ZMAT4: variants seen among roughly 807,000 people sequenced by gnomAD.
ZMAT4 encodes the protein zinc finger matrin-type 4.
In ZMAT4, 17 loss-of-function variants were observed where a neutral mutation model predicts 28.7. The ratio of observed to expected loss-of-function variants is 0.59; its 90% confidence interval spans 0.41 to 0.89. The LOEUF is 0.89. Ranked by LOEUF, ZMAT4 falls within the 40% of genes least tolerant of loss-of-function variation. ZMAT4 has a pLI of 0.00. For synonymous variants in ZMAT4, 117 were observed against 109.2 expected, an observed-to-expected ratio of 1.07 and a Z score of -0.44; for missense variants, 240 against 283.8, an observed-to-expected ratio of 0.85 and a Z score of 1.11.
chr8:40,896,973 C>CTT (rs34824153), intron 1 of ZMAT4, among the ~76,000 whole-genome samples: 298 of 139,250 alleles, frequency 2.1e-3, no homozygotes, highest in African/African-American at 4.8e-3. Flanking sequence ...TTGGCTTTTT[C>CTT]TTTTTTTTTT....
At chr8:40,698,336 G>T (rs1351029494) in intron 3 of ZMAT4, among the ~76,000 whole-genome samples, 1 of 152,120 alleles carries the variant, frequency 6.6e-6, no homozygotes, top group Non-Finnish European at 1.5e-5. Flanking sequence ...ACCTGCTATT[G>T]TGCTCGCAGG....
At chr8:40,636,535 C>G (rs1806798547) in intron 5 of ZMAT4, among the ~76,000 whole-genome samples, 1 of 152,176 alleles carries the variant, frequency 6.6e-6, no homozygotes, top group African/African-American at 2.4e-5. Flanking sequence ...TTCCATTATT[C>G]TTTCAGGAAA....
intron 3 of ZMAT4, among the ~76,000 whole-genome samples, chr8:40,729,597 CTT>C (rs71546305): frequency 7.0e-6 from 1 of 142,394 alleles, no homozygotes. Context: ...TTCTTTCTTT[CTT>C]TTTTTTTTTT....
chr8:40,547,511 T>C (rs1031559768), intron 6 of ZMAT4, among the ~76,000 whole-genome samples: 8 of 152,198 alleles, frequency 5.3e-5, no homozygotes, highest in Admixed American at 2.0e-4. Context: ...AATTTATGAA[T>C]CATGTGACTT....
chr8:40,786,595 G>T (rs1046280306), intron 2 of ZMAT4: 3 of 904,172 alleles, frequency 3.3e-6, no homozygotes, highest in African/African-American at 1.7e-5. Context: ...CAGCATGCAC[G>T]TTCTGGTTAT....
At chr8:40,579,296 C>T (rs1196870301) in intron 6 of ZMAT4, among the ~76,000 whole-genome samples, 4 of 152,058 alleles carry the variant, frequency 2.6e-5, no homozygotes, top group African/African-American at 7.2e-5. Flanking sequence ...AAAAAGTTAT[C>T]TTTTATTGTT....
chr8:40,744,167 A>C (rs926114467), intron 3 of ZMAT4, among the ~76,000 whole-genome samples: 1 of 152,054 alleles, frequency 6.6e-6, no homozygotes, highest in African/African-American at 2.4e-5. Flanking sequence ...GGATTCTCCA[A>C]CCCTACCTGT....
At chr8:40,579,976 G>C (rs1049802351) in intron 6 of ZMAT4, among the ~76,000 whole-genome samples, 1 of 151,420 alleles carries the variant, frequency 6.6e-6, no homozygotes, top group African/African-American at 2.4e-5. Context: ...TCCTCAGCCT[G>C]GCAGGGGGAA....
chr8:40,582,783 G>A (rs1804534291), intron 5 of ZMAT4, among the ~76,000 whole-genome samples: 1 of 152,158 alleles, frequency 6.6e-6, no homozygotes, highest in African/African-American at 2.4e-5. Flanking sequence ...GCATGTATGT[G>A]AGAGTGCCCA....
intron 1 of ZMAT4, among the ~76,000 whole-genome samples, chr8:40,857,399 G>A (rs560368307): frequency 1.3e-3 from 196 of 151,792 alleles, no homozygotes; most frequent in African/African-American, 4.5e-3. Flanking sequence ...AGAAAAGATG[G>A]GTCTAAGAGA....
intron 3 of ZMAT4, among the ~76,000 whole-genome samples, chr8:40,724,329 G>A (rs1811234274): frequency 6.6e-6 from 1 of 152,192 alleles, no homozygotes; most frequent in South Asian, 2.1e-4. Flanking sequence ...CACATAGGAA[G>A]TCCAGATGTG....
At chr8:40,781,643 T>C (rs1813830259) in intron 2 of ZMAT4, among the ~76,000 whole-genome samples, 1 of 147,102 alleles carries the variant, frequency 6.8e-6, no homozygotes, top group Non-Finnish European at 1.5e-5. Flanking sequence ...GCGCCTGTAG[T>C]CCCAGCTACT....
intron 3 of ZMAT4, among the ~76,000 whole-genome samples, chr8:40,755,435 T>G (rs780535341): frequency 4.6e-5 from 7 of 152,174 alleles, no homozygotes; most frequent in Non-Finnish European, 7.4e-5. Context: ...TTTCTATTTA[T>G]GAATATTAAT....
At chr8:40,762,832 C>T (rs559530438) in intron 3 of ZMAT4, among the ~76,000 whole-genome samples, 1 of 152,250 alleles carries the variant, frequency 6.6e-6, no homozygotes, top group Admixed American at 6.5e-5. Context: ...ACCAGAACTG[C>T]CAGAGAATAA....
At chr8:40,887,170 CA>C (rs35466634) in intron 1 of ZMAT4, among the ~76,000 whole-genome samples, 1,974 of 61,960 alleles carry the variant, frequency 0.032, 30 homozygotes, top group Admixed American at 0.12. Flanking sequence ...GACTCCGTCT[CA>C]AAAAAAAAAA....
At chr8:40,541,141 G>A (rs1026530277) in intron 6 of ZMAT4, among the ~76,000 whole-genome samples, 2 of 152,090 alleles carry the variant, frequency 1.3e-5, no homozygotes, top group South Asian at 4.1e-4. Context: ...TACATATGGA[G>A]CAACAAATAA....
intron 5 of ZMAT4, among the ~76,000 whole-genome samples, chr8:40,611,582 C>T (rs1805797993): frequency 6.6e-6 from 1 of 152,164 alleles, no homozygotes; most frequent in Non-Finnish European, 1.5e-5. Context: ...CCTGGTGATC[C>T]ACCCACCTCA....
At chr8:40,624,029 G>A (rs1806289522) in intron 5 of ZMAT4, among the ~76,000 whole-genome samples, 1 of 152,130 alleles carries the variant, frequency 6.6e-6, no homozygotes, top group African/African-American at 2.4e-5. Flanking sequence ...TCTTGCCTGT[G>A]CTTCTAGTAT....
At chr8:40,647,786 T>C (rs1347288423) in intron 5 of ZMAT4, among the ~76,000 whole-genome samples, 2 of 151,934 alleles carry the variant, frequency 1.3e-5, no homozygotes, top group African/African-American at 4.8e-5. Context: ...CCGAGCAGCC[T>C]AACTGGGAGG....
Sources: gnomAD v4.1 joint callset for allele counts (sites outside exome capture counted in the v4.1 genomes callset) on GRCh38, gnomAD v4.1.1 for gene constraint, MANE v1.5 for transcripts, NCBI Gene and HGNC (gene_info 2026-07-23, HGNC 2026-07-21) for gene names.